The following XKR5 variants were observed in gnomAD, a reference collection of about 807,000 sequenced individuals.
The protein encoded by XKR5 is XK related 5, also known as XK-related protein 5.
A neutral mutation model predicts 40.8 loss-of-function variants in XKR5; 46 were observed. That is an observed-to-expected ratio of 1.13 (90% confidence interval 0.89 to 1.44). XKR5 has a LOEUF of 1.44. XKR5 is among the 40% of genes most tolerant of loss of function. The pLI is 0.00. For synonymous variants in XKR5, 466 were observed against 356.1 expected, an observed-to-expected ratio of 1.31 and a Z score of -3.48; for missense variants, 1,169 against 844.7, an observed-to-expected ratio of 1.38 and a Z score of -4.76.
chr8:6,812,147 G>A lies in XKR5; in HGVS notation c.1112C>T (p.Pro371Leu), dbSNP rs2117075946. Residue 371 changes from proline to leucine, a missense_variant, in exon 7 of 7, where the codon CCA (proline) becomes CTA (leucine). Coordinates refer to ENST00000618742, the MANE Select transcript of XKR5 (RefSeq NM_207411.5). Reference protein sequence around the residue: ...SGSCQGASYEPTILGKPPTPE... With the variant: ...SGSCQGASYELTILGKPPTPE... ...GGTAGGGGGCTTCCCTAAAATGGTT[G>A]GTTCATAACTTGCCCCTTGGCATGA... is the stretch of plus-strand genomic sequence containing the variant. The A allele has an allele frequency of 1.3e-6, 2 of 1,551,212 alleles. No homozygotes were observed. Among genetic ancestry groups the A allele is most frequent in the Non-Finnish European group, 1.7e-6 (2 of 1,146,984 alleles).
chr8:6,829,520 T>A (rs1053210828), intron 2 of XKR5, among the ~76,000 whole-genome samples: 2 of 152,154 alleles, frequency 1.3e-5, no homozygotes, highest in African/African-American at 4.8e-5. Context: ...CTTTTTATAT[T>A]TATTTATTTA....
At chr8:6,813,581 G>T (rs1803832552) in intron 6 of XKR5, among the ~76,000 whole-genome samples, 1 of 152,172 alleles carries the variant, frequency 6.6e-6, no homozygotes, top group Non-Finnish European at 1.5e-5. Context: ...TACAATTTGG[G>T]TTCAATCTTC....
chr8:6,830,863 G>T (rs1214429451), intron 2 of XKR5, among the ~76,000 whole-genome samples: 1 of 152,172 alleles, frequency 6.6e-6, no homozygotes, highest in Non-Finnish European at 1.5e-5. Context: ...GAAAGACAGT[G>T]TGGGGTCCAC....
chr8:6,832,951 C>T, intron 1 of XKR5, 51 bp from the exon 2 acceptor site: 1 of 1,432,196 alleles, frequency 7.0e-7, no homozygotes, highest in Non-Finnish European at 9.3e-7. Context: ...TGGAGTGAGA[C>T]TGGGTACCTG....
At position 6,811,737 on chromosome 8, in the gene XKR5, C is replaced by A. The variant is rs531120069; in HGVS notation, c.1522G>T (p.Gly508Trp). 5 of 1,537,614 alleles carry A rather than the reference C, an allele frequency of 3.3e-6. No individual in the cohort carries two copies. The South Asian group carries it at 3.6e-5, about 11-fold the overall frequency. ...GCTCCTTCCTTTGGGGTGCCCTCCC[C>A]CTGCGTGGCTGCTGGGTTCTGGGTA... is the stretch of plus-strand genomic sequence containing the variant. ...APTQNPAATQGEGTPKEGADA... is the reference protein window; with the variant it reads ...APTQNPAATQWEGTPKEGADA... The change falls in exon 7 of 7, where the codon GGG (glycine) becomes TGG (tryptophan). Residue 508 changes from glycine to tryptophan, a missense_variant. By Grantham distance (184) the Gly-to-Trp change is radical. Coordinates refer to ENST00000618742, the MANE Select transcript of XKR5 (RefSeq NM_207411.5).
At chr8:6,814,305 C>T (rs1486816982) in intron 6 of XKR5, among the ~76,000 whole-genome samples, 1 of 152,206 alleles carries the variant, frequency 6.6e-6, no homozygotes, top group Non-Finnish European at 1.5e-5. Flanking sequence ...GGATGCGACT[C>T]AGCCATCAAA....
intron 5 of XKR5, among the ~76,000 whole-genome samples, chr8:6,819,223 C>G (rs938926560): frequency 1.3e-5 from 2 of 152,214 alleles, no homozygotes; most frequent in African/African-American, 4.8e-5. Context: ...TGGGGCCCAT[C>G]CAGGGCCTGG....
intron 6 of XKR5, among the ~76,000 whole-genome samples, chr8:6,813,695 G>T (rs1803837876): frequency 6.6e-6 from 1 of 152,200 alleles, no homozygotes; most frequent in Admixed American, 6.5e-5. Context: ...TGGCCACCTG[G>T]GTGCTGAGTG....
At chr8:6,833,919 A>C (rs1804882368) in intron 1 of XKR5, among the ~76,000 whole-genome samples, 1 of 152,192 alleles carries the variant, frequency 6.6e-6, no homozygotes, top group African/African-American at 2.4e-5. Flanking sequence ...GAGAACGATG[A>C]AACCTCCTCT....
rs1328433871 is a variant in XKR5, at chr8:6,810,928, G to A, written c.*270C>T. On this transcript the variant is annotated 3_prime_UTR_variant, in exon 7 of 7. Coordinates refer to ENST00000618742, the MANE Select transcript of XKR5 (RefSeq NM_207411.5). ...ATAAGGGAACCTACAGCTCATAAAAGGTAGCAGACAATTTTGACTGGAATC... is the reference window on the plus strand; with the variant it reads ...ATAAGGGAACCTACAGCTCATAAAAAGTAGCAGACAATTTTGACTGGAATC... 3.2e-6 allele frequency: 1 copy of A among 315,642 alleles called. No homozygotes were observed. Among genetic ancestry groups the A allele is most frequent in the African/African-American group, 2.1e-5 (1 of 46,784 alleles). The allele number at this position is 315,642 out of a possible 1,614,324, so 19.6% of individuals were successfully genotyped here. A position where few individuals can be genotyped will look rare whatever the true frequency, so the allele number is the denominator to read the frequency against.
intron 2 of XKR5, among the ~76,000 whole-genome samples, chr8:6,826,282 G>A (rs1335009862): frequency 6.6e-6 from 1 of 152,090 alleles, no homozygotes; most frequent in Non-Finnish European, 1.5e-5. Context: ...GTATATGTGT[G>A]TATATTCATG....
rs962299829 is a variant in XKR5, at chr8:6,809,018, G to T, written c.*2180C>A. 2 of 152,248 alleles carry T rather than the reference G, an allele frequency of 1.3e-5. No homozygotes were observed. Among genetic ancestry groups the T allele is most frequent in the African/African-American group, 2.4e-5 (1 of 41,440 alleles). 9.4% of individuals were successfully genotyped at this position (152,248 alleles called of 1,614,324 possible). A position where few individuals can be genotyped will look rare whatever the true frequency, so the allele number is the denominator to read the frequency against. ...CTTAATTAGCCTTCAGGGAGGCAGG[G>T]CTTCAAGTTTAGGAAGAGGTCACCA... On this transcript the variant is annotated 3_prime_UTR_variant, in exon 7 of 7. Transcript: ENST00000618742.
chr8:6,827,341 A>G (rs1016020304), intron 2 of XKR5, among the ~76,000 whole-genome samples: 3 of 152,202 alleles, frequency 2.0e-5, no homozygotes, highest in Non-Finnish European at 4.4e-5. Context: ...CCTGAAGCCA[A>G]GCTGGATGCA....
chr8:6,813,979 C>T (rs1026270796), intron 6 of XKR5, among the ~76,000 whole-genome samples: 5 of 152,166 alleles, frequency 3.3e-5, no homozygotes, highest in Admixed American at 6.5e-5. Flanking sequence ...CTATACCTCC[C>T]GTGAACTGGA....
At position 6,832,743 on chromosome 8, in the gene XKR5, G is replaced by T. The variant is rs745353185; in HGVS notation, c.216C>A (p.His72Gln). The change falls in exon 2 of 7, where the codon CAC (histidine) becomes CAA (glutamine). Residue 72 changes from histidine to glutamine, a missense_variant. Coordinates refer to ENST00000618742, the MANE Select transcript of XKR5 (RefSeq NM_207411.5). Reference protein sequence around the residue: ...HPGHCSLMMLHLLQLGVWKRH... With the variant: ...HPGHCSLMMLQLLQLGVWKRH... ...GCTTCCAAACACCAAGCTGTAGGAG[G>T]TGCAGCATCATCAAGGAGCAATGCC... is the stretch of plus-strand genomic sequence containing the variant. The T allele has an allele frequency of 3.7e-6, 6 of 1,613,298 alleles. No homozygotes were observed. In the South Asian group the frequency reaches 6.6e-5, roughly 18 times the overall value.
rs1012852466 is a variant in XKR5, at chr8:6,817,514, G to C, written c.808-1596C>G. On this transcript the variant is annotated intron_variant, in intron 5 of 6. Coordinates refer to ENST00000618742, the MANE Select transcript of XKR5 (RefSeq NM_207411.5). ...GATTCCCCTTACCTCCCCACACCGAGAGACTTGAACAAACACTGACCGAGT... is the reference window on the plus strand; with the variant it reads ...GATTCCCCTTACCTCCCCACACCGACAGACTTGAACAAACACTGACCGAGT... 2.6e-5 allele frequency among the ~76,000 whole-genome samples: 4 copies of C among 151,914 alleles called. 1 individual carries two copies. In the South Asian group the frequency reaches 8.4e-4, roughly 32 times the overall value.
At chr8:6,820,799 A>G (rs1804198002) in intron 5 of XKR5, among the ~76,000 whole-genome samples, 1 of 152,152 alleles carries the variant, frequency 6.6e-6, no homozygotes, top group Non-Finnish European at 1.5e-5. Flanking sequence ...ACTGTGCTAT[A>G]TGGGTCCTAA....
At chr8:6,830,637 T>C (rs966919627) in intron 2 of XKR5, among the ~76,000 whole-genome samples, 12 of 152,256 alleles carry the variant, frequency 7.9e-5, no homozygotes, top group Non-Finnish European at 1.6e-4. Flanking sequence ...TTTTCTTTTT[T>C]GTTCTTTTAA....
At chr8:6,823,428 G>A in intron 4 of XKR5, 93 bp downstream of exon 4, 1 of 1,364,800 alleles carries the variant, frequency 7.3e-7, no homozygotes, top group Non-Finnish European at 1.0e-6. Context: ...TCAGGCCTGG[G>A]ATTGAGGATC....
Sources: gnomAD v4.1 joint callset for allele counts (sites outside exome capture counted in the v4.1 genomes callset) on GRCh38, gnomAD v4.1.1 for gene constraint, MANE v1.5 for transcripts, NCBI Gene and HGNC (gene_info 2026-07-23, HGNC 2026-07-21) for gene names.